The following CALD1 variants were observed in gnomAD, a reference collection of about 807,000 sequenced individuals.
CALD1 encodes the protein caldesmon.
Under a neutral mutation model 99.9 loss-of-function variants are expected in CALD1, and 33 were observed. The observed-to-expected ratio is 0.33, with a 90% CI of 0.25 to 0.44. The LOEUF is 0.44. Ranked by LOEUF, CALD1 falls within the 20% of genes least tolerant of loss-of-function variation. The pLI is 1.00. For missense variants in CALD1, 861 were observed against 962.1 expected (o/e 0.89, Z 1.39); for synonymous variants, 310 against 325.0 (o/e 0.95, Z 0.50).
intron 3 of CALD1, among the ~76,000 whole-genome samples, chr7:134,883,880 G>A (rs1801722798): frequency 6.6e-6 from 1 of 152,144 alleles, no homozygotes; most frequent in Non-Finnish European, 1.5e-5. Flanking sequence ...GGCCGAGGCG[G>A]GTGGATCACC....
chr7:134,887,502 C>A (rs775625188), intron 3 of CALD1, among the ~76,000 whole-genome samples: 2 of 152,188 alleles, frequency 1.3e-5, no homozygotes, highest in African/African-American at 2.4e-5. Context: ...TTGTACTACT[C>A]GAACTGTTGC....
chr7:134,865,347 C>A (rs949341255), intron 2 of CALD1, among the ~76,000 whole-genome samples: 1 of 148,350 alleles, frequency 6.7e-6, no homozygotes, highest in Non-Finnish European at 1.5e-5. Context: ...TTCTCTCCCC[C>A]ACACAAGACA....
intron 1 of CALD1, among the ~76,000 whole-genome samples, chr7:134,833,923 T>C (rs1416895612): frequency 6.6e-6 from 1 of 152,178 alleles, no homozygotes; most frequent in Non-Finnish European, 1.5e-5. Context: ...ATATGAGGAA[T>C]GACATTCACA....
chr7:134,928,992 C>T (rs1432195415), intron 4 of CALD1, 92 bp downstream of exon 4: 9 of 1,108,664 alleles, frequency 8.1e-6, no homozygotes, highest in South Asian at 1.6e-5. Context: ...CTTTCTCAGC[C>T]CAACTCAACC....
the CALD1 span, among the ~76,000 whole-genome samples, chr7:134,737,450 A>G: frequency 4.6e-5 from 7 of 152,186 alleles, no homozygotes; most frequent in African/African-American, 1.7e-4. Flanking sequence ...CTTAGTTTAA[A>G]TAACTATGCA....
chr7:134,873,686 C>G (rs1386841739), intron 3 of CALD1, among the ~76,000 whole-genome samples: 1 of 152,132 alleles, frequency 6.6e-6, no homozygotes, highest in Non-Finnish European at 1.5e-5. Flanking sequence ...CACTGGGCAG[C>G]TATAGTGTCA....
At chr7:134,782,475 A>T (rs935306541) in intron 1 of CALD1, among the ~76,000 whole-genome samples, 2 of 152,212 alleles carry the variant, frequency 1.3e-5, no homozygotes, top group Non-Finnish European at 2.9e-5. Context: ...TCCTGAGTAG[A>T]TGGGTAGTTT....
intron 8 of CALD1, among the ~76,000 whole-genome samples, chr7:134,949,158 GTTA>G (rs1807140299): frequency 1.3e-5 from 2 of 152,156 alleles, no homozygotes; most frequent in South Asian, 4.1e-4. Flanking sequence ...TGCCATCATT[GTTA>G]TTATGATTAT....
chr7:134,887,078 T>C (rs1272933950), intron 3 of CALD1, among the ~76,000 whole-genome samples: 1 of 152,128 alleles, frequency 6.6e-6, no homozygotes, highest in African/African-American at 2.4e-5. Context: ...TAGAGACAGA[T>C]GAGGCAAAGA....
At chr7:134,817,674 G>A (rs527762379) in intron 1 of CALD1, among the ~76,000 whole-genome samples, 2 of 152,208 alleles carry the variant, frequency 1.3e-5, no homozygotes, top group East Asian at 1.9e-4. Context: ...CAAAGTCATT[G>A]TTCTATTTTT....
At chr7:134,716,454 T>C in the CALD1 span, among the ~76,000 whole-genome samples, 1 of 152,224 alleles carries the variant, frequency 6.6e-6, no homozygotes, top group African/African-American at 2.4e-5. Context: ...TGTAAGTCCA[T>C]GCAGGCAAAT....
intron 1 of CALD1, among the ~76,000 whole-genome samples, chr7:134,754,101 T>C (rs1192567629): frequency 1.3e-5 from 2 of 152,190 alleles, no homozygotes; most frequent in East Asian, 3.8e-4. Context: ...TAGATAGCCA[T>C]CTTCTTGTCA....
intron 3 of CALD1, among the ~76,000 whole-genome samples, chr7:134,881,275 A>C (rs916365059): frequency 6.6e-6 from 1 of 152,184 alleles, no homozygotes; most frequent in Admixed American, 6.5e-5. Flanking sequence ...CAAATCTGGA[A>C]ACCTTGTCAT....
chr7:134,762,309 C>A (rs1243919635), intron 1 of CALD1, among the ~76,000 whole-genome samples: 1 of 152,190 alleles, frequency 6.6e-6, no homozygotes, highest in Non-Finnish European at 1.5e-5. Context: ...TAGATATATT[C>A]TATGGCTCTA....
chr7:134,887,804 G>T (rs1011733718), intron 3 of CALD1, among the ~76,000 whole-genome samples: 20 of 148,856 alleles, frequency 1.3e-4, no homozygotes, highest in African/African-American at 4.7e-4. Context: ...GTGCGCATGT[G>T]TATGTGTGTG....
At chr7:134,722,049 A>G in the CALD1 span, among the ~76,000 whole-genome samples, 2 of 152,174 alleles carry the variant, frequency 1.3e-5, no homozygotes, top group Non-Finnish European at 2.9e-5. Context: ...AAGCTAGAGC[A>G]CAGCTAAAAC....
At chr7:134,896,291 C>A (rs2132552808) in intron 3 of CALD1, among the ~76,000 whole-genome samples, 1 of 152,312 alleles carries the variant, frequency 6.6e-6, no homozygotes, top group Middle Eastern at 3.4e-3. Context: ...CATTTATGTT[C>A]CAGTGCTATT....
chr7:134,728,129 TG>T, the CALD1 span, among the ~76,000 whole-genome samples: 1 of 150,312 alleles, frequency 6.7e-6, no homozygotes. Flanking sequence ...ATGAGTTCTT[TG>T]TGCTATAATA....
chr7:134,900,089 C>T (rs1416841248), intron 3 of CALD1: 1 of 152,162 alleles, frequency 6.6e-6, no homozygotes, highest in Non-Finnish European at 1.5e-5. Flanking sequence ...AAACTATATT[C>T]ACTCCAAAGA....
Sources: gnomAD v4.1 joint callset for allele counts (sites outside exome capture counted in the v4.1 genomes callset) on GRCh38, gnomAD v4.1.1 for gene constraint, MANE v1.5 for transcripts, NCBI Gene and HGNC (gene_info 2026-07-23, HGNC 2026-07-21) for gene names.